ARB2A: variants seen among roughly 807,000 people sequenced by gnomAD.
ARB2A encodes the protein ARB2 cotranscriptional regulator A.
chr5:94,053,788 A>G, the ARB2A span, among the ~76,000 whole-genome samples: 1 of 152,094 alleles, frequency 6.6e-6, no homozygotes, highest in African/African-American at 2.4e-5. Flanking sequence ...TCTTTTTGAG[A>G]TGAGGTCTCA....
chr5:94,034,197 C>T, the ARB2A span, among the ~76,000 whole-genome samples: 1 of 152,176 alleles, frequency 6.6e-6, no homozygotes, highest in Non-Finnish European at 1.5e-5. Flanking sequence ...ACAAAATGGG[C>T]TAAGACATAG....
chr5:93,905,704 TA>T, the ARB2A span, among the ~76,000 whole-genome samples: 5 of 151,496 alleles, frequency 3.3e-5, no homozygotes, highest in Non-Finnish European at 7.4e-5. Flanking sequence ...TAACATTATT[TA>T]AACCTCAATC....
the ARB2A span, chr5:93,620,623 CTACGGCGGGCG>C: frequency 2.1e-5 from 4 of 187,722 alleles, no homozygotes; most frequent in Non-Finnish European, 4.4e-5. Flanking sequence ...AGCGGCTCCG[CTACGGCGGGCG>C]CTAGGACCGC....
At chr5:93,965,133 C>T in the ARB2A span, among the ~76,000 whole-genome samples, 2 of 151,802 alleles carry the variant, frequency 1.3e-5, no homozygotes, top group Non-Finnish European at 2.9e-5. Flanking sequence ...CTTGAAATGG[C>T]GAGATTTTCT....
the ARB2A span, among the ~76,000 whole-genome samples, chr5:93,728,521 T>C: frequency 6.6e-6 from 1 of 152,226 alleles, no homozygotes; most frequent in South Asian, 2.1e-4. Flanking sequence ...TATAATAAAC[T>C]TAAAGAAACT....
the ARB2A span, among the ~76,000 whole-genome samples, chr5:93,748,754 TAAAAAAG>T: frequency 1.3e-4 from 20 of 151,828 alleles, no homozygotes; most frequent in Non-Finnish European, 2.7e-4. Context: ...CAGCTAAAAA[TAAAAAAG>T]AAAAAATAAT....
the ARB2A span, among the ~76,000 whole-genome samples, chr5:93,754,874 A>G: frequency 6.6e-6 from 1 of 152,020 alleles, no homozygotes; most frequent in Non-Finnish European, 1.5e-5. Flanking sequence ...TACATTTTCT[A>G]TCATCTTTCT....
At chr5:93,617,792 T>C in the ARB2A span, among the ~76,000 whole-genome samples, 1 of 152,144 alleles carries the variant, frequency 6.6e-6, no homozygotes. Context: ...ATTTAATTGA[T>C]AGGTTGTTCA....
the ARB2A span, among the ~76,000 whole-genome samples, chr5:94,013,506 A>T: frequency 0.024 from 3,712 of 152,114 alleles, 62 homozygotes; most frequent in Non-Finnish European, 0.038. Context: ...GCCATCCTGT[A>T]AACTCAAGAA....
At chr5:93,749,454 GC>G in the ARB2A span, among the ~76,000 whole-genome samples, 1 of 152,142 alleles carries the variant, frequency 6.6e-6, no homozygotes, top group Non-Finnish European at 1.5e-5. Context: ...AACCATGGTA[GC>G]AAAAATTTGT....
chr5:94,070,798 G>A, the ARB2A span, among the ~76,000 whole-genome samples: 2 of 151,898 alleles, frequency 1.3e-5, no homozygotes, highest in South Asian at 2.1e-4. Context: ...ATGTATATAT[G>A]GCATATAATT....
the ARB2A span, among the ~76,000 whole-genome samples, chr5:94,000,295 C>G: frequency 6.6e-6 from 1 of 152,062 alleles, no homozygotes; most frequent in Non-Finnish European, 1.5e-5. Flanking sequence ...AATGAGAGTT[C>G]CTATTGCTCC....
the ARB2A span, among the ~76,000 whole-genome samples, chr5:93,666,482 G>T: frequency 1.7e-4 from 25 of 150,168 alleles, no homozygotes; most frequent in African/African-American, 5.9e-4. Context: ...ATTAATCAAA[G>T]GATCAAAATA....
chr5:93,868,714 G>T, the ARB2A span, among the ~76,000 whole-genome samples: 1 of 152,126 alleles, frequency 6.6e-6, no homozygotes, highest in African/African-American at 2.4e-5. Flanking sequence ...TAATGTGCAA[G>T]GGCGTCTCAC....
At chr5:93,638,732 G>C in the ARB2A span, among the ~76,000 whole-genome samples, 1 of 152,114 alleles carries the variant, frequency 6.6e-6, no homozygotes, top group African/African-American at 2.4e-5. Context: ...GGGAGGCTGA[G>C]GCAGGAACAT....
chr5:93,773,638 T>A, the ARB2A span, among the ~76,000 whole-genome samples: 1 of 152,198 alleles, frequency 6.6e-6, no homozygotes, highest in Admixed American at 6.5e-5. Context: ...GATTTTTTTT[T>A]AACCAATTCA....
the ARB2A span, among the ~76,000 whole-genome samples, chr5:93,980,000 G>T: frequency 5.3e-5 from 8 of 152,114 alleles, no homozygotes; most frequent in African/African-American, 1.9e-4. Flanking sequence ...TTTTTAAATA[G>T]TATATTTTTC....
the ARB2A span, among the ~76,000 whole-genome samples, chr5:93,766,516 A>G: frequency 1.1e-3 from 171 of 152,268 alleles, 1 homozygote; most frequent in African/African-American, 3.7e-3. Context: ...TTAGAATGGC[A>G]ATCATTAAAA....
chr5:94,087,495 T>C, the ARB2A span, among the ~76,000 whole-genome samples: 1 of 152,248 alleles, frequency 6.6e-6, no homozygotes, highest in Admixed American at 6.5e-5. Context: ...ATATATTTCA[T>C]GTAGCCTAAG....
Sources: allele counts gnomAD v4.1 joint callset (sites outside exome capture counted in the v4.1 genomes callset), GRCh38; gene constraint gnomAD v4.1.1; transcripts MANE v1.5; gene names NCBI Gene and HGNC (gene_info 2026-07-23, HGNC 2026-07-21).